CLTRN: variants seen among roughly 807,000 people sequenced by gnomAD.
CLTRN encodes collectrin.
CLTRN carries 12 observed loss-of-function variants against 14.5 expected under a neutral mutation model. That is an observed-to-expected ratio of 0.83 (90% CI 0.53 to 1.34). The LOEUF is 1.34. CLTRN is among the 40% of genes most tolerant of loss of function. The probability of loss-of-function intolerance (pLI) is 0.00; values close to 1 mark genes in which losing one functional copy is unlikely to be tolerated. For synonymous variants in CLTRN, 58 were observed against 56.5 expected, an observed-to-expected ratio of 1.03 and a Z score of -0.12; for missense variants, 154 against 165.1, an observed-to-expected ratio of 0.93 and a Z score of 0.37.
chrX:15,643,243 G>A (rs1334785834), intron 4 of CLTRN, among the ~76,000 whole-genome samples: 5 of 112,110 alleles, frequency 4.5e-5, no homozygotes, highest in Non-Finnish European at 9.4e-5. Context: ...CTTCAGCCTT[G>A]AAATTCCTAT....
At chrX:15,634,198 G>A (rs1190642936) in intron 5 of CLTRN, among the ~76,000 whole-genome samples, 1 of 111,806 alleles carries the variant, frequency 8.9e-6, no homozygotes, top group Non-Finnish European at 1.9e-5. Flanking sequence ...CTTTATAACT[G>A]CTTTTTATGG....
chrX:15,633,924 T>C (rs930292115), intron 5 of CLTRN, among the ~76,000 whole-genome samples: 1 of 112,271 alleles, frequency 8.9e-6, no homozygotes, highest in Non-Finnish European at 1.9e-5. Context: ...ATAGCTCCTA[T>C]CACAGAATGG....
chrX:15,652,879 C>T (rs768480544), intron 3 of CLTRN, among the ~76,000 whole-genome samples: 7 of 111,328 alleles, frequency 6.3e-5, no homozygotes, highest in Non-Finnish European at 9.4e-5. Context: ...GTCAGGAGTT[C>T]GAGACAGCCT....
chrX:15,639,871 C>A, intron 4 of CLTRN, 115 bp from the exon 5 acceptor site: 1 of 751,414 alleles, frequency 1.3e-6, no homozygotes, highest in Non-Finnish European at 1.9e-6. Context: ...AAAGCATCCT[C>A]CTGGCAGGAG....
At chrX:15,646,307 A>C in intron 3 of CLTRN, 1 of 252,391 alleles carries the variant, frequency 4.0e-6, no homozygotes, top group Non-Finnish European at 7.7e-6. Flanking sequence ...GTCGCTGGTC[A>C]CTGAGCCCGG....
In CLTRN at chrX:15,639,773, A is replaced by G. The variant is rs761878856; in HGVS notation, c.318-17T>C. Reference sequence around the variant, plus strand: ...TTGTTCATTCTAAAATGCAATGATAATTAAAAATAAACAAAATAAGACAGA... The same window carrying G: ...TTGTTCATTCTAAAATGCAATGATAGTTAAAAATAAACAAAATAAGACAGA... On this transcript the variant is annotated splice_polypyrimidine_tract_variant and intron_variant, in intron 4 of 5. Transcript: ENST00000380342. 2.6e-6 allele frequency: 3 copies of G among 1,165,808 alleles called. No individual in the cohort carries two copies. The South Asian group carries it at 5.8e-5, about 22-fold the overall frequency.
upstream of CLTRN, among the ~76,000 whole-genome samples, chrX:15,667,138 G>A (rs1240981903): frequency 8.9e-6 from 1 of 111,754 alleles, no homozygotes; most frequent in Non-Finnish European, 1.9e-5. Context: ...TCGGGAGGCT[G>A]AGGCAGGAGA....
chrX:15,628,085 C>T lies in CLTRN; in HGVS notation c.555G>A (p.Lys185=). ...TTTCAATTGTGATCATGTTTTCACA[C>T]TTATCTTCAGCGTCATCCACTTCAG... ...EPSEVDDAED[K]CENMITIENG... is the part of the protein sequence containing the mutation. The change falls in exon 6 of 6, where the codon AAG becomes AAA. Residue 185 remains lysine (K), a synonymous_variant. Transcript: ENST00000380342. The T allele has an allele frequency of 1.8e-6, 2 of 1,142,436 alleles. No individual in the cohort carries two copies. Among genetic ancestry groups the T allele is most frequent in the Non-Finnish European group, 2.3e-6 (2 of 858,236 alleles). The allele number at this position is 1,142,436 out of a possible 1,213,427, so 94.1% of individuals were successfully genotyped here.
At chrX:15,657,605 T>C (rs900779075) in intron 3 of CLTRN, among the ~76,000 whole-genome samples, 1 of 102,881 alleles carries the variant, frequency 9.7e-6, no homozygotes, top group African/African-American at 3.6e-5. Context: ...GAGGTTACCA[T>C]TGTGAGATAA....
intron 4 of CLTRN, among the ~76,000 whole-genome samples, chrX:15,640,198 T>C (rs778696398): frequency 3.6e-5 from 4 of 112,230 alleles, no homozygotes; most frequent in African/African-American, 9.7e-5. Context: ...CAGTTTACCA[T>C]TGCCATGGCA....
chrX:15,632,578 A>AAAAT (rs1183987537), intron 5 of CLTRN, among the ~76,000 whole-genome samples: 152 of 107,612 alleles, frequency 1.4e-3, no homozygotes, highest in African/African-American at 4.6e-3. Context: ...ACTCCGTCTC[A>AAAAT]AAATAAATAA....
At chrX:15,658,712 AT>A (rs2147212205) in intron 3 of CLTRN, among the ~76,000 whole-genome samples, 1 of 22,556 alleles carries the variant, frequency 4.4e-5, no homozygotes, top group East Asian at 0.067. Flanking sequence ...CAAGAAAATT[AT>A]ATATATATAT....
At chrX:15,664,904 TTAA>T, upstream of CLTRN, 1 of 530,225 alleles carries the variant, frequency 1.9e-6, no homozygotes, top group Non-Finnish European at 3.2e-6. Context: ...CCAAAAAGGT[TTAA>T]TGATTAACAC....
At position 15,633,132 on chromosome X, in the gene CLTRN, G is replaced by C. The variant is rs1292994906; in HGVS notation, c.513-5005C>G. 6.3e-5 allele frequency among the ~76,000 whole-genome samples: 7 copies of C among 110,578 alleles called. No homozygotes were observed. The Admixed American group carries it at 6.8e-4, about 11-fold the overall frequency. ...TCAAACCTACCTGGTTTTAAATCCT[G>C]TTACTATTACTTTCTAACCATGTGA... On this transcript the variant is annotated intron_variant, in intron 5 of 5. Coordinates refer to ENST00000380342, the MANE Select transcript of CLTRN (RefSeq NM_020665.6).
chrX:15,655,130 G>A (rs758447565), intron 3 of CLTRN, among the ~76,000 whole-genome samples: 1 of 111,706 alleles, frequency 9.0e-6, no homozygotes, highest in East Asian at 2.8e-4. Flanking sequence ...TGAGTGGTGG[G>A]CTCCAGCCAT....
chrX:15,639,143 C>G (rs1928881401), intron 5 of CLTRN, among the ~76,000 whole-genome samples: 1 of 111,888 alleles, frequency 8.9e-6, no homozygotes, highest in South Asian at 3.7e-4. Context: ...CCTGCATGCA[C>G]TGGACTAAGA....
chrX:15,671,194 A>G (rs17316203), intron 1 of CLTRN, among the ~76,000 whole-genome samples: 1,830 of 111,987 alleles, frequency 0.016, 37 homozygotes, highest in South Asian at 0.062. Flanking sequence ...AATTGTGAAC[A>G]AAATGCTATA....
intron 4 of CLTRN, among the ~76,000 whole-genome samples, chrX:15,643,674 T>C (rs1928993200): frequency 8.9e-6 from 1 of 112,564 alleles, no homozygotes; most frequent in Admixed American, 9.4e-5. Flanking sequence ...AGAAGCAATT[T>C]AGTTCAAACT....
chrX:15,664,830 C>T (rs1056526965), upstream of CLTRN: 2 of 1,009,280 alleles, frequency 2.0e-6, no homozygotes, highest in African/African-American at 3.8e-5. Context: ...CCACGCTGCA[C>T]TTAAATCTGC....
Sources: allele counts gnomAD v4.1 joint callset (sites outside exome capture counted in the v4.1 genomes callset), GRCh38; gene constraint gnomAD v4.1.1; transcripts MANE v1.5; gene names NCBI Gene and HGNC (gene_info 2026-07-23, HGNC 2026-07-21).